The following SCHIP1 variants were observed in gnomAD, a reference collection of about 807,000 sequenced individuals.
SCHIP1 encodes the protein schwannomin-interacting protein 1.
Under a neutral mutation model 29.7 loss-of-function variants are expected in SCHIP1, and 8 were observed. The ratio of observed to expected loss-of-function variants is 0.27; its 90% CI spans 0.16 to 0.49. The LOEUF (loss-of-function observed/expected upper bound fraction) is 0.49, where lower values mean the gene tolerates loss of function less well. SCHIP1 is among the 20% of genes least tolerant of loss of function. The pLI is 0.99. For missense variants in SCHIP1, 193 were observed against 294.6 expected, an observed-to-expected ratio of 0.66 and a Z score of 2.52; for synonymous variants, 76 against 94.9, an observed-to-expected ratio of 0.80 and a Z score of 1.16.
chr3:159,857,941 C>T (rs975523445), intron 1 of SCHIP1, among the ~76,000 whole-genome samples: 72 of 152,296 alleles, frequency 4.7e-4, no homozygotes, highest in African/African-American at 1.7e-3. Context: ...ACTCCAAATA[C>T]TCCTCCCCAC....
At chr3:159,380,106 T>C in the SCHIP1 span, among the ~76,000 whole-genome samples, 2 of 152,250 alleles carry the variant, frequency 1.3e-5, no homozygotes, top group Non-Finnish European at 2.9e-5. Context: ...ATCTAGTTTG[T>C]AATGCTGAGT....
the SCHIP1 span, among the ~76,000 whole-genome samples, chr3:159,820,793 T>C: frequency 6.6e-6 from 1 of 152,166 alleles, no homozygotes; most frequent in Non-Finnish European, 1.5e-5. Flanking sequence ...TACAAGTGAC[T>C]AGCCAAGAAA....
At chr3:159,783,840 C>G in the SCHIP1 span, among the ~76,000 whole-genome samples, 1 of 152,126 alleles carries the variant, frequency 6.6e-6, no homozygotes, top group East Asian at 1.9e-4. Flanking sequence ...AGGTCCCAGC[C>G]TTTTTCCTGA....
intron 6 of SCHIP1, chr3:159,894,235 A>G (rs1015567631): frequency 2.6e-5 from 4 of 152,212 alleles, no homozygotes; most frequent in Non-Finnish European, 4.4e-5. Context: ...TTTGAGAACC[A>G]CAGGTTTGGA....
At chr3:159,482,932 T>C in the SCHIP1 span, among the ~76,000 whole-genome samples, 5 of 152,066 alleles carry the variant, frequency 3.3e-5, no homozygotes, top group Non-Finnish European at 1.5e-5. Context: ...AAAAGAGACA[T>C]TGGGCCCCAG....
chr3:159,584,559 G>A, the SCHIP1 span, among the ~76,000 whole-genome samples: 1 of 152,094 alleles, frequency 6.6e-6, no homozygotes. Flanking sequence ...CAAATACCAT[G>A]CTTTTTACTA....
At chr3:159,541,180 G>A in the SCHIP1 span, among the ~76,000 whole-genome samples, 9 of 152,058 alleles carry the variant, frequency 5.9e-5, 1 homozygote, top group South Asian at 1.0e-3. Flanking sequence ...CACATAGATT[G>A]CCCTTGTGAA....
At chr3:159,481,132 C>T in the SCHIP1 span, among the ~76,000 whole-genome samples, 99,204 of 151,944 alleles carry the variant, frequency 0.65, 32,949 homozygotes, top group East Asian at 0.76. Context: ...TCTGGATGTA[C>T]ACATGCAGGC....
the SCHIP1 span, among the ~76,000 whole-genome samples, chr3:159,406,383 C>T: frequency 2.0e-5 from 3 of 152,172 alleles, no homozygotes; most frequent in South Asian, 2.1e-4. Context: ...GTATATCTGG[C>T]AAAAAATATT....
At chr3:159,832,702 C>T in the SCHIP1 span, among the ~76,000 whole-genome samples, 1 of 152,170 alleles carries the variant, frequency 6.6e-6, no homozygotes, top group Non-Finnish European at 1.5e-5. Context: ...CGTTCCCTCT[C>T]TTCTTGTCAC....
intron 1 of SCHIP1, among the ~76,000 whole-genome samples, chr3:159,850,272 G>C (rs1181001171): frequency 6.6e-6 from 1 of 152,096 alleles, no homozygotes; most frequent in Admixed American, 6.5e-5. Flanking sequence ...AGAAATACCT[G>C]GCCAGGCATG....
intron 1 of SCHIP1, among the ~76,000 whole-genome samples, chr3:159,851,244 C>T (rs1712594416): frequency 1.3e-5 from 2 of 152,182 alleles, no homozygotes; most frequent in Non-Finnish European, 2.9e-5. Flanking sequence ...GAGCCATGAT[C>T]ATGCCATTGC....
chr3:159,508,694 C>T, the SCHIP1 span, among the ~76,000 whole-genome samples: 1 of 152,298 alleles, frequency 6.6e-6, no homozygotes, highest in East Asian at 1.9e-4. Context: ...TTTCAAAGAA[C>T]ATCTTTATTT....
At chr3:159,513,279 G>A in the SCHIP1 span, among the ~76,000 whole-genome samples, 1 of 152,122 alleles carries the variant, frequency 6.6e-6, no homozygotes, top group Non-Finnish European at 1.5e-5. Flanking sequence ...TTATTATTTT[G>A]TTGTCAAGCT....
At chr3:159,801,325 T>G in the SCHIP1 span, among the ~76,000 whole-genome samples, 1 of 152,224 alleles carries the variant, frequency 6.6e-6, no homozygotes, top group Non-Finnish European at 1.5e-5. Context: ...TTTACAAACC[T>G]GTGTTCTAGA....
the SCHIP1 span, among the ~76,000 whole-genome samples, chr3:159,496,176 T>C: frequency 6.6e-6 from 1 of 152,168 alleles, no homozygotes; most frequent in African/African-American, 2.4e-5. Flanking sequence ...GGCAATACCA[T>C]TCAGGACATA....
the SCHIP1 span, among the ~76,000 whole-genome samples, chr3:159,660,914 T>C: frequency 2.6e-5 from 4 of 152,146 alleles, no homozygotes; most frequent in African/African-American, 9.7e-5. Flanking sequence ...TCCATCTATC[T>C]ATCCATCCAT....
the SCHIP1 span, among the ~76,000 whole-genome samples, chr3:159,447,773 GGTA>G: frequency 6.6e-6 from 1 of 152,120 alleles, no homozygotes; most frequent in Non-Finnish European, 1.5e-5. Context: ...GAGTGAAGGG[GGTA>G]GTATTTCTTG....
At chr3:159,322,088 C>T in the SCHIP1 span, among the ~76,000 whole-genome samples, 1 of 151,932 alleles carries the variant, frequency 6.6e-6, no homozygotes, top group East Asian at 2.0e-4. Context: ...GATACTAAAG[C>T]TTGATAGCAC....
Sources: gnomAD v4.1 joint callset for allele counts (sites outside exome capture counted in the v4.1 genomes callset) on GRCh38, gnomAD v4.1.1 for gene constraint, MANE v1.5 for transcripts, NCBI Gene and HGNC (gene_info 2026-07-23, HGNC 2026-07-21) for gene names.